The following CTNND2 variants were observed in gnomAD, a reference collection of about 807,000 sequenced individuals.
CTNND2 encodes catenin delta 2.
Under a neutral mutation model 144.4 loss-of-function variants are expected in CTNND2, and 22 were observed. The observed-to-expected ratio is 0.15, with a 90% confidence interval of 0.11 to 0.22. The LOEUF is 0.22. CTNND2 is among the 10% of genes least tolerant of loss of function. The pLI is 1.00. For missense variants in CTNND2, 1,353 were observed against 1,618.8 expected (o/e 0.84, Z 2.82); for synonymous variants, 751 against 695.6 (o/e 1.08, Z -1.25).
At chr5:11,652,229 G>A (rs896280306) in intron 2 of CTNND2, among the ~76,000 whole-genome samples, 7 of 152,152 alleles carry the variant, frequency 4.6e-5, no homozygotes, top group African/African-American at 1.7e-4. Flanking sequence ...TTGTTTAAAA[G>A]CGTGTAGCAC....
chr5:11,629,864 T>A (rs1476330908), intron 2 of CTNND2, among the ~76,000 whole-genome samples: 2 of 151,956 alleles, frequency 1.3e-5, no homozygotes, highest in Non-Finnish European at 2.9e-5. Flanking sequence ...ACCATTGGTC[T>A]CCAAATCAAA....
At chr5:11,250,875 T>C (rs1209310536) in intron 9 of CTNND2, among the ~76,000 whole-genome samples, 2 of 152,086 alleles carry the variant, frequency 1.3e-5, no homozygotes, top group Non-Finnish European at 2.9e-5. Context: ...TGGAAGACGT[T>C]TGACTACACC....
At chr5:11,460,406 GT>G (rs1204304584) in intron 3 of CTNND2, among the ~76,000 whole-genome samples, 1 of 152,202 alleles carries the variant, frequency 6.6e-6, no homozygotes, top group Non-Finnish European at 1.5e-5. Context: ...CAAATTTGAT[GT>G]ATATCTGAAT....
chr5:11,879,367 A>ATATATG (rs1735851457), intron 1 of CTNND2, among the ~76,000 whole-genome samples: 3 of 139,246 alleles, frequency 2.2e-5, no homozygotes, highest in Non-Finnish European at 3.2e-5. Flanking sequence ...ACATATACAC[A>ATATATG]CACACACAAA....
At chr5:11,144,027 T>A (rs11362673) in intron 12 of CTNND2, among the ~76,000 whole-genome samples, 10 of 33,964 alleles carry the variant, frequency 2.9e-4, no homozygotes, top group Non-Finnish European at 4.8e-4. Context: ...CATAGGGGCT[T>A]GTCCCCAGGT....
intron 2 of CTNND2, among the ~76,000 whole-genome samples, chr5:11,654,365 G>A (rs528203338): frequency 3.9e-5 from 6 of 152,136 alleles, no homozygotes; most frequent in Middle Eastern, 3.4e-3. Flanking sequence ...CAATCCATGA[G>A]CATGGGTTAT....
intron 9 of CTNND2, among the ~76,000 whole-genome samples, chr5:11,245,501 T>C (rs1420050827): frequency 3.3e-5 from 5 of 152,126 alleles, no homozygotes; most frequent in Admixed American, 3.3e-4. Flanking sequence ...GCCATGCTGC[T>C]GTGCTGAGCA....
At chr5:11,135,698 T>C (rs1392322264) in intron 12 of CTNND2, among the ~76,000 whole-genome samples, 1 of 152,246 alleles carries the variant, frequency 6.6e-6, no homozygotes, top group Non-Finnish European at 1.5e-5. Flanking sequence ...TTAGGATCGC[T>C]GAAGTCTCTG....
At chr5:11,285,804 G>A (rs574153696) in intron 9 of CTNND2, among the ~76,000 whole-genome samples, 1 of 76,436 alleles carries the variant, frequency 1.3e-5, no homozygotes, top group East Asian at 2.5e-4. Flanking sequence ...GAACTAAGGA[G>A]GTGGTTGAGA....
chr5:11,172,179 C>G (rs905212430), intron 11 of CTNND2, among the ~76,000 whole-genome samples: 4 of 152,172 alleles, frequency 2.6e-5, no homozygotes, highest in Admixed American at 2.0e-4. Flanking sequence ...TGGGGTGGGT[C>G]CTGCTACCTA....
At chr5:10,995,711 T>C (rs184493988) in intron 18 of CTNND2, among the ~76,000 whole-genome samples, 24 of 151,666 alleles carry the variant, frequency 1.6e-4, no homozygotes, top group African/African-American at 4.6e-4. Flanking sequence ...CCTGGGGACA[T>C]AGGAGAGAAA....
intron 16 of CTNND2, among the ~76,000 whole-genome samples, chr5:11,064,987 G>A (rs889975864): frequency 6.6e-6 from 1 of 152,150 alleles, no homozygotes; most frequent in East Asian, 1.9e-4. Context: ...TTGGAGGGGT[G>A]GTTGTGGTTG....
Position 11,565,024 on chromosome 5 carries a change from C to T in CTNND2, c.207G>A (p.Leu69=). ...TGGCTACGATCTGCCGTTCAGCCTC[C>T]AGCTCTCGGGTCAGCCTTTCAAACT... ...ELQFERLTRE[L]EAERQIVASQ... Residue 69 remains leucine (L), a synonymous_variant, in exon 3 of 22, where the codon CTG becomes CTA. Transcript: ENST00000304623. The T allele has an allele frequency of 6.2e-7, 1 of 1,614,082 alleles. No individual in the cohort carries two copies. The highest frequency in any genetic ancestry group is 8.5e-7 in the Non-Finnish European group (1 of 1,179,952).
At chr5:11,046,461 C>T (rs1294517990) in intron 16 of CTNND2, among the ~76,000 whole-genome samples, 3 of 152,220 alleles carry the variant, frequency 2.0e-5, no homozygotes, top group Non-Finnish European at 4.4e-5. Context: ...GCCTCCAGCA[C>T]ATTTAACCCA....
At chr5:11,014,118 G>C (rs967237927) in intron 18 of CTNND2, among the ~76,000 whole-genome samples, 4 of 152,204 alleles carry the variant, frequency 2.6e-5, no homozygotes, top group African/African-American at 9.6e-5. Flanking sequence ...CCCAACCAAT[G>C]CAACTACTTC....
At chr5:11,179,659 A>G (rs181221316) in intron 11 of CTNND2, among the ~76,000 whole-genome samples, 1 of 152,256 alleles carries the variant, frequency 6.6e-6, no homozygotes, top group East Asian at 1.9e-4. Flanking sequence ...TCCACTTCTA[A>G]AAGTTAGTAA....
intron 1 of CTNND2, among the ~76,000 whole-genome samples, chr5:11,832,354 A>G (rs970805260): frequency 7.9e-5 from 12 of 152,306 alleles, no homozygotes; most frequent in African/African-American, 2.6e-4. Flanking sequence ...ATGAAAAGAC[A>G]AGGCACAGTC....
intron 2 of CTNND2, among the ~76,000 whole-genome samples, chr5:11,723,485 A>G (rs1242447912): frequency 6.6e-6 from 1 of 152,198 alleles, no homozygotes; most frequent in Non-Finnish European, 1.5e-5. Flanking sequence ...CATTAAAGTA[A>G]GGGAAAAAGC....
chr5:10,996,214 A>G (rs1448277219), intron 18 of CTNND2, among the ~76,000 whole-genome samples: 6 of 152,170 alleles, frequency 3.9e-5, no homozygotes, highest in Admixed American at 3.3e-4. Flanking sequence ...CAACTTGGAG[A>G]GAGACAAGGG....
Sources: allele counts gnomAD v4.1 joint callset (sites outside exome capture counted in the v4.1 genomes callset), GRCh38; gene constraint gnomAD v4.1.1; transcripts MANE v1.5; gene names NCBI Gene and HGNC (gene_info 2026-07-23, HGNC 2026-07-21).